The following CSMD1 variants were observed in gnomAD, a reference collection of about 807,000 sequenced individuals.
CSMD1 encodes CUB and Sushi multiple domains 1.
In CSMD1, 213 loss-of-function variants were observed where a neutral mutation model predicts 417.5. That is an observed-to-expected ratio of 0.51 (90% CI 0.46 to 0.57). CSMD1 has a LOEUF of 0.57. Among genes scored for constraint, CSMD1 ranks in the 20% least tolerant of loss-of-function variants. CSMD1 has a pLI of 0.00. For synonymous variants in CSMD1, 2,862 were observed against 1,736.8 expected (o/e 1.65, Z -16.11); for missense variants, 6,923 against 4,529.7 (o/e 1.53, Z -15.17).
chr8:3,822,242 A>C (rs1367690006), intron 5 of CSMD1, among the ~76,000 whole-genome samples: 2 of 152,124 alleles, frequency 1.3e-5, no homozygotes, highest in Non-Finnish European at 2.9e-5. Flanking sequence ...TCCATCACTT[A>C]ACCTCTGGAC....
At chr8:4,066,223 G>T (rs1417317747) in intron 3 of CSMD1, among the ~76,000 whole-genome samples, 2 of 152,178 alleles carry the variant, frequency 1.3e-5, no homozygotes, top group African/African-American at 4.8e-5. Flanking sequence ...CATGGGCAAC[G>T]CCTCCTTCCT....
At chr8:4,424,772 T>C (rs766427834) in intron 2 of CSMD1, among the ~76,000 whole-genome samples, 3 of 152,132 alleles carry the variant, frequency 2.0e-5, no homozygotes, top group Admixed American at 1.3e-4. Flanking sequence ...TTCACCATAA[T>C]GCATCAATAT....
intron 1 of CSMD1, among the ~76,000 whole-genome samples, chr8:4,663,892 G>C (rs1007337095): frequency 6.6e-6 from 1 of 152,198 alleles, no homozygotes; most frequent in African/African-American, 2.4e-5. Context: ...GCATCCTGGG[G>C]TTCTTCTCAA....
chr8:3,204,933 G>T (rs1418099488), intron 31 of CSMD1, among the ~76,000 whole-genome samples: 1 of 152,154 alleles, frequency 6.6e-6, no homozygotes, highest in Non-Finnish European at 1.5e-5. Flanking sequence ...ACCAGGGAAG[G>T]CCCTTCTGGA....
chr8:4,827,631 G>A (rs1469762332), intron 1 of CSMD1, among the ~76,000 whole-genome samples: 1 of 152,114 alleles, frequency 6.6e-6, no homozygotes, highest in South Asian at 2.1e-4. Context: ...GAATAGGTAA[G>A]TCTTTAGGAA....
chr8:3,032,971 C>G (rs570876459), intron 50 of CSMD1, among the ~76,000 whole-genome samples: 1 of 152,114 alleles, frequency 6.6e-6, no homozygotes, highest in East Asian at 1.9e-4. Flanking sequence ...AAATAAAATA[C>G]CACTTTTACT....
At chr8:4,735,887 C>G (rs898949970) in intron 1 of CSMD1, among the ~76,000 whole-genome samples, 1 of 152,298 alleles carries the variant, frequency 6.6e-6, no homozygotes, top group East Asian at 1.9e-4. Flanking sequence ...CAACACGCTA[C>G]TGCTTTACTA....
intron 7 of CSMD1, among the ~76,000 whole-genome samples, chr8:3,666,314 T>A (rs1019744213): frequency 6.6e-6 from 1 of 152,230 alleles, no homozygotes; most frequent in Non-Finnish European, 1.5e-5. Context: ...GTGAAGAATA[T>A]GCTTCAAAAG....
At chr8:4,718,541 G>T (rs1199655930) in intron 1 of CSMD1, among the ~76,000 whole-genome samples, 1 of 151,630 alleles carries the variant, frequency 6.6e-6, no homozygotes, top group South Asian at 2.1e-4. Context: ...ACTAGCTAAG[G>T]GAATTTGAAA....
chr8:4,804,248 C>G (rs927383556), intron 1 of CSMD1, among the ~76,000 whole-genome samples: 1 of 151,944 alleles, frequency 6.6e-6, no homozygotes, highest in Non-Finnish European at 1.5e-5. Flanking sequence ...TTCTAAAGCT[C>G]CAGGAAAATA....
At chr8:4,245,360 T>A (rs948568554) in intron 3 of CSMD1, among the ~76,000 whole-genome samples, 7 of 152,138 alleles carry the variant, frequency 4.6e-5, no homozygotes, top group African/African-American at 1.7e-4. Context: ...GAGGAAAGAT[T>A]GCAAGTACCC....
chr8:3,131,306 C>T (rs979662163), intron 41 of CSMD1, among the ~76,000 whole-genome samples: 3 of 150,930 alleles, frequency 2.0e-5, no homozygotes, highest in East Asian at 3.9e-4. Flanking sequence ...AACTAACCTA[C>T]ACAATGTGCA....
intron 10 of CSMD1, among the ~76,000 whole-genome samples, chr8:3,508,586 G>C (rs1452804879): frequency 4.6e-5 from 7 of 152,086 alleles, no homozygotes; most frequent in Admixed American, 2.0e-4. Flanking sequence ...AATGAACTGA[G>C]ACACTTATTT....
chr8:3,219,536 C>A, intron 28 of CSMD1, 94 bp from the exon 29 acceptor site: 4 of 914,826 alleles, frequency 4.4e-6, no homozygotes, highest in Non-Finnish European at 3.1e-6. Context: ...ATTTTATTTG[C>A]TTTTGTATAA....
intron 1 of CSMD1, among the ~76,000 whole-genome samples, chr8:4,882,084 A>G (rs1287421057): frequency 6.6e-6 from 1 of 152,034 alleles, no homozygotes; most frequent in East Asian, 1.9e-4. Flanking sequence ...ACGAATAATA[A>G]GCCCTCATTT....
At chr8:3,561,163 G>T (rs1026709723) in intron 10 of CSMD1, among the ~76,000 whole-genome samples, 1 of 152,174 alleles carries the variant, frequency 6.6e-6, no homozygotes, top group South Asian at 2.1e-4. Context: ...GCAAGGATGT[G>T]CAGAAAGCAA....
intron 3 of CSMD1, among the ~76,000 whole-genome samples, chr8:4,241,823 G>C (rs936236686): frequency 6.6e-6 from 1 of 151,618 alleles, no homozygotes; most frequent in Non-Finnish European, 1.5e-5. Context: ...CCATTCTCCT[G>C]TCTCAGCCTC....
intron 11 of CSMD1, among the ~76,000 whole-genome samples, chr8:3,473,600 G>C (rs554058924): frequency 3.3e-5 from 5 of 152,190 alleles, no homozygotes; most frequent in East Asian, 3.9e-4. Context: ...GTTTGAAACA[G>C]GATTTTCAAA....
chr8:4,022,726 C>G (rs191234483), intron 4 of CSMD1, among the ~76,000 whole-genome samples: 5 of 152,268 alleles, frequency 3.3e-5, no homozygotes, highest in Non-Finnish European at 5.9e-5. Context: ...GAAGTGACAA[C>G]TCACTGGATG....
Sources: gnomAD v4.1 joint callset for allele counts (sites outside exome capture counted in the v4.1 genomes callset) on GRCh38, gnomAD v4.1.1 for gene constraint, MANE v1.5 for transcripts, NCBI Gene and HGNC (gene_info 2026-07-23, HGNC 2026-07-21) for gene names.